Variants in SHB observed in about 807,000 individuals in gnomAD.
SHB encodes the protein SH2 domain containing adaptor protein B, also known as SH2 domain-containing adapter protein B.
A neutral mutation model predicts 52.3 loss-of-function variants in SHB; 20 were observed. That is an observed-to-expected ratio of 0.38 (90% confidence interval 0.27 to 0.56). The LOEUF is 0.56. SHB is among the 20% of genes least tolerant of loss of function. SHB has a pLI of 0.71. For missense variants in SHB, 825 were observed against 723.3 expected (o/e 1.14, Z -1.61); for synonymous variants, 397 against 316.5 (o/e 1.25, Z -2.70).
intron 1 of SHB, among the ~76,000 whole-genome samples, chr9:38,024,352 C>G (rs1371388043): frequency 1.3e-5 from 2 of 152,258 alleles, no homozygotes; most frequent in South Asian, 2.1e-4. Flanking sequence ...GTGACCTGCC[C>G]CACATGTCAG....
chr9:37,920,518 A>T (rs896403883), intron 5 of SHB, among the ~76,000 whole-genome samples: 1 of 152,198 alleles, frequency 6.6e-6, no homozygotes, highest in Non-Finnish European at 1.5e-5. Flanking sequence ...TTTCAGTAGT[A>T]GGAAACTGTC....
intron 2 of SHB, among the ~76,000 whole-genome samples, chr9:37,995,096 G>A (rs1001526517): frequency 6.6e-6 from 1 of 152,170 alleles, no homozygotes; most frequent in African/African-American, 2.4e-5. Flanking sequence ...CAGCTGAGTT[G>A]GCGCTGCCAG....
intron 3 of SHB, among the ~76,000 whole-genome samples, chr9:37,960,651 T>TA (rs1832683699): frequency 6.6e-6 from 1 of 152,180 alleles, no homozygotes; most frequent in Non-Finnish European, 1.5e-5. Context: ...GCCTTGCTTC[T>TA]AGGAAGCTTT....
chr9:37,935,950 CG>C (rs1564082538), intron 5 of SHB, among the ~76,000 whole-genome samples: 5 of 151,506 alleles, frequency 3.3e-5, no homozygotes, highest in African/African-American at 1.2e-4. Flanking sequence ...TATTATAGGC[CG>C]GGCGACTTTA....
chr9:38,061,166 G>T (rs946449294), intron 1 of SHB, among the ~76,000 whole-genome samples: 3 of 152,074 alleles, frequency 2.0e-5, no homozygotes, highest in Non-Finnish European at 4.4e-5. Context: ...ACAAACATTA[G>T]TTGGGTGTGC....
At chr9:38,046,104 G>A (rs1283164255) in intron 1 of SHB, among the ~76,000 whole-genome samples, 1 of 152,106 alleles carries the variant, frequency 6.6e-6, no homozygotes, top group East Asian at 1.9e-4. Flanking sequence ...GTGTGTGCCT[G>A]TAATCCCAGC....
At chr9:38,046,475 C>G (rs1413843854) in intron 1 of SHB, among the ~76,000 whole-genome samples, 1 of 152,218 alleles carries the variant, frequency 6.6e-6, no homozygotes, top group Non-Finnish European at 1.5e-5. Flanking sequence ...TCGAAGCCCC[C>G]CCGGGTCCTC....
intron 3 of SHB, among the ~76,000 whole-genome samples, chr9:37,972,116 C>T (rs1232183471): frequency 6.6e-6 from 1 of 152,300 alleles, no homozygotes; most frequent in South Asian, 2.1e-4. Context: ...GAGAGGCCCA[C>T]AGGGGGTCAG....
At chr9:37,946,563 A>T (rs942219454) in intron 5 of SHB, among the ~76,000 whole-genome samples, 6 of 152,184 alleles carry the variant, frequency 3.9e-5, no homozygotes, top group African/African-American at 1.4e-4. Flanking sequence ...CACTGGAGTC[A>T]CCACAGGGCC....
chr9:37,977,722 G>A (rs534907585), intron 2 of SHB, among the ~76,000 whole-genome samples: 5 of 152,220 alleles, frequency 3.3e-5, no homozygotes, highest in South Asian at 4.1e-4. Flanking sequence ...ACCTGTATTC[G>A]TCTTCCTCCG....
rs190797216 is a variant in SHB at position 37,995,099 on chromosome 9, G to A, written c.839-20262C>T. On this transcript the variant is annotated intron_variant, in intron 2 of 5. Transcript: ENST00000377707. Reference sequence around the variant, plus strand: ...GATGTGGGATGACAGCTGAGTTGGCGCTGCCAGACAAGCTTCCTCACTCGA... The same window carrying A: ...GATGTGGGATGACAGCTGAGTTGGCACTGCCAGACAAGCTTCCTCACTCGA... Among the ~76,000 whole-genome samples the A allele has an allele frequency of 5.1e-4, 77 of 152,272 alleles. 1 individual carries two copies. Among genetic ancestry groups the A allele is most frequent in the Admixed American group, 3.7e-3 (56 of 15,296 alleles).
At chr9:37,949,486 C>A (rs1404308867) in intron 4 of SHB, among the ~76,000 whole-genome samples, 1 of 150,880 alleles carries the variant, frequency 6.6e-6, no homozygotes, top group Non-Finnish European at 1.5e-5. Flanking sequence ...CTGCAGGAGG[C>A]AAGGAGGGAA....
At chr9:38,063,913 G>C (rs1415449644) in intron 1 of SHB, among the ~76,000 whole-genome samples, 1 of 150,902 alleles carries the variant, frequency 6.6e-6, no homozygotes, top group Non-Finnish European at 1.5e-5. Flanking sequence ...GTACACATTA[G>C]TATGTATTTA....
chr9:38,002,551 C>G (rs543941802), intron 2 of SHB, among the ~76,000 whole-genome samples: 5 of 152,284 alleles, frequency 3.3e-5, no homozygotes, highest in African/African-American at 1.2e-4. Context: ...TGGGCTAGGA[C>G]TTCAGCTCAG....
intron 2 of SHB, among the ~76,000 whole-genome samples, chr9:37,999,318 C>T (rs1820984961): frequency 6.6e-6 from 1 of 152,192 alleles, no homozygotes; most frequent in Non-Finnish European, 1.5e-5. Flanking sequence ...CCTAGCTTCT[C>T]TCCTCCCTGA....
At chr9:38,058,471 C>T (rs1051030727) in intron 1 of SHB, among the ~76,000 whole-genome samples, 6 of 152,212 alleles carry the variant, frequency 3.9e-5, no homozygotes, top group African/African-American at 1.4e-4. Flanking sequence ...TGGAATCTGC[C>T]CCTCTTCTCA....
intron 2 of SHB, among the ~76,000 whole-genome samples, chr9:37,987,721 G>C (rs1005316737): frequency 6.6e-6 from 1 of 152,178 alleles, no homozygotes; most frequent in Admixed American, 6.5e-5. Context: ...TGGTTGGGGG[G>C]CCTGGGAGGA....
At chr9:38,046,151 C>T (rs750085053) in intron 1 of SHB, among the ~76,000 whole-genome samples, 3 of 151,832 alleles carry the variant, frequency 2.0e-5, no homozygotes, top group East Asian at 1.9e-4. Context: ...CGCTCAAAAC[C>T]GGGAGGCGGA....
At chr9:38,050,169 C>G (rs558639604) in intron 1 of SHB, among the ~76,000 whole-genome samples, 4 of 152,324 alleles carry the variant, frequency 2.6e-5, no homozygotes, top group African/African-American at 9.6e-5. Context: ...AATCTTAAAT[C>G]CACCTGTCAA....
Sources: allele counts gnomAD v4.1 joint callset (sites outside exome capture counted in the v4.1 genomes callset), GRCh38; gene constraint gnomAD v4.1.1; transcripts MANE v1.5; gene names NCBI Gene and HGNC (gene_info 2026-07-23, HGNC 2026-07-21).